The following PARVB variants were observed in gnomAD, a reference collection of about 807,000 sequenced individuals.
PARVB encodes the protein parvin beta.
A neutral mutation model predicts 47.0 loss-of-function variants in PARVB; 46 were observed. That is an observed-to-expected ratio of 0.98 (90% CI 0.77 to 1.25). The LOEUF (loss-of-function observed/expected upper bound fraction) is 1.25, where lower values mean the gene tolerates loss of function less well. Ranked by LOEUF, PARVB falls within the 50% of genes most tolerant of loss-of-function variation. PARVB has a pLI of 0.00. For missense variants in PARVB, 473 were observed against 471.6 expected (o/e 1.00, Z -0.03); for synonymous variants, 196 against 196.3 (o/e 1.00, Z 0.01).
intron 11 of PARVB, among the ~76,000 whole-genome samples, chr22:44,158,818 G>T (rs1162473849): frequency 6.6e-6 from 1 of 152,212 alleles, no homozygotes; most frequent in East Asian, 1.9e-4. Context: ...TGTTGCTTTG[G>T]ATTCATGGGC....
intron 1 of PARVB, among the ~76,000 whole-genome samples, chr22:44,061,879 A>G (rs569448744): frequency 6.6e-6 from 1 of 152,248 alleles, no homozygotes; most frequent in East Asian, 1.9e-4. Flanking sequence ...GGCCTCCCGA[A>G]GTGCTGGGAT....
chr22:44,157,367 G>C (rs774366673), intron 10 of PARVB, among the ~76,000 whole-genome samples: 2 of 152,164 alleles, frequency 1.3e-5, no homozygotes, highest in Non-Finnish European at 2.9e-5. Context: ...GGTCAGGAGT[G>C]GGGGACAGTT....
At chr22:44,013,422 A>C (rs2050544269) in intron 2 of PARVB, among the ~76,000 whole-genome samples, 1 of 152,146 alleles carries the variant, frequency 6.6e-6, no homozygotes, top group Non-Finnish European at 1.5e-5. Context: ...TGTGACTACC[A>C]CCAGATCAGG....
At chr22:44,127,361 A>G (rs1223724881) in intron 4 of PARVB, among the ~76,000 whole-genome samples, 2 of 152,210 alleles carry the variant, frequency 1.3e-5, no homozygotes, top group African/African-American at 2.4e-5. Flanking sequence ...CTGAAATGAC[A>G]TAATATACTG....
chr22:44,166,951 C>T (rs1439178133), intron 12 of PARVB, among the ~76,000 whole-genome samples: 2 of 152,162 alleles, frequency 1.3e-5, no homozygotes, highest in Non-Finnish European at 2.9e-5. Flanking sequence ...CCCGGGTACC[C>T]AGGGCTGGTG....
chr22:44,016,450 C>T (rs567242788), intron 2 of PARVB, among the ~76,000 whole-genome samples: 3 of 152,286 alleles, frequency 2.0e-5, no homozygotes, highest in Admixed American at 6.5e-5. Flanking sequence ...CTCTGTGTGT[C>T]CATGTCTTAG....
At chr22:44,008,613 T>C (rs1052262671) in intron 2 of PARVB, among the ~76,000 whole-genome samples, 2 of 152,184 alleles carry the variant, frequency 1.3e-5, no homozygotes, top group African/African-American at 4.8e-5. Flanking sequence ...TAGAGATAGA[T>C]GCTTGGGTCT....
At chr22:44,033,578 G>T (rs1408505278) in intron 1 of PARVB, among the ~76,000 whole-genome samples, 1 of 152,120 alleles carries the variant, frequency 6.6e-6, no homozygotes, top group Non-Finnish European at 1.5e-5. Context: ...TTTAAGCTTT[G>T]CCACTTGAAG....
chr22:44,003,940 C>T (rs2050437984), intron 2 of PARVB, among the ~76,000 whole-genome samples: 1 of 152,212 alleles, frequency 6.6e-6, no homozygotes, highest in Admixed American at 6.5e-5. Context: ...CGCTGCTGGG[C>T]CTGGCTTCTG....
chr22:44,112,793 A>G (rs1429653382), intron 3 of PARVB: 7 of 132,076 alleles, frequency 5.3e-5, no homozygotes, highest in East Asian at 2.8e-4. Context: ...CCCTGCACCA[A>G]CACAGATACA....
chr22:44,043,031 C>T (rs953090005), intron 1 of PARVB, among the ~76,000 whole-genome samples: 1 of 152,176 alleles, frequency 6.6e-6, no homozygotes, highest in African/African-American at 2.4e-5. Context: ...AGTGGATAAG[C>T]AAACTATGCT....
At chr22:44,043,212 A>G (rs1398800338) in intron 1 of PARVB, among the ~76,000 whole-genome samples, 2 of 152,182 alleles carry the variant, frequency 1.3e-5, no homozygotes, top group East Asian at 1.9e-4. Context: ...ATTGATAGAG[A>G]CAGAAAGTAA....
chr22:44,036,785 T>G (rs1392349926), intron 1 of PARVB, among the ~76,000 whole-genome samples: 1 of 151,948 alleles, frequency 6.6e-6, no homozygotes, highest in East Asian at 1.9e-4. Flanking sequence ...CTGGGCAACA[T>G]AGAGAGAACC....
At chr22:44,060,575 G>A (rs1398068424) in intron 1 of PARVB, among the ~76,000 whole-genome samples, 1 of 152,008 alleles carries the variant, frequency 6.6e-6, no homozygotes, top group African/African-American at 2.4e-5. Flanking sequence ...ACTTAACTGG[G>A]TAAATGTCAT....
intron 2 of PARVB, among the ~76,000 whole-genome samples, chr22:44,098,460 G>T (rs1229495713): frequency 6.6e-6 from 1 of 152,158 alleles, no homozygotes. Context: ...AGGTGCCAAG[G>T]CTCAGGGCAG....
chr22:44,087,858 T>TTG (rs1314280796), intron 1 of PARVB, among the ~76,000 whole-genome samples: 10 of 150,724 alleles, frequency 6.6e-5, no homozygotes, highest in African/African-American at 2.4e-4. Flanking sequence ...TTTTTTTTTT[T>TTG]TTTTTCTTTT....
At position 44,163,899 on chromosome 22, in the gene PARVB, A is replaced by G; in HGVS notation, c.987A>G (p.Gly329=). 1 of 1,611,220 alleles carries G rather than the reference A, an allele frequency of 6.2e-7. No homozygotes were observed. Among genetic ancestry groups the G allele is most frequent in the Non-Finnish European group, 8.5e-7 (1 of 1,178,738 alleles). Residue 329 remains glycine, a synonymous_variant, in exon 12 of 13, where the codon GGA becomes GGG. Transcript: ENST00000338758. ...VSFAFELMLD[G]GLKKPKARPE... ...TCGCCTTTGAGCTGATGCTGGACGG[A>G]GGCCTCAAGAAACCCAAGGCTCGTC...
At chr22:44,024,506 C>A in intron 1 of PARVB, 55 bp downstream of exon 1, 2 of 973,634 alleles carry the variant, frequency 2.1e-6, no homozygotes, top group South Asian at 4.6e-5. Context: ...CGGTGCCCGC[C>A]CTCGGCCCTA....
chr22:44,167,657 A>C, intron 12 of PARVB, among the ~76,000 whole-genome samples: 1 of 151,528 alleles, frequency 6.6e-6, no homozygotes, highest in East Asian at 1.9e-4. Flanking sequence ...TGGACTCTTC[A>C]GGTCAGGGGG....
Sources: allele counts gnomAD v4.1 joint callset (sites outside exome capture counted in the v4.1 genomes callset), GRCh38; gene constraint gnomAD v4.1.1; transcripts MANE v1.5; gene names NCBI Gene and HGNC (gene_info 2026-07-23, HGNC 2026-07-21).